CNTN1: variants seen among roughly 807,000 people sequenced by gnomAD.
CNTN1 encodes contactin-1.
In CNTN1, 38 loss-of-function variants were observed where a neutral mutation model predicts 126.4. That is an observed-to-expected ratio of 0.30 (90% CI 0.23 to 0.39). The LOEUF is 0.39. CNTN1 is among the 10% of genes least tolerant of loss of function. The probability of loss-of-function intolerance (pLI) is 1.00; values close to 1 mark genes in which losing one functional copy is unlikely to be tolerated. For synonymous variants in CNTN1, 413 were observed against 422.6 expected (o/e 0.98, Z 0.28); for missense variants, 1,009 against 1,248.4 (o/e 0.81, Z 2.89).
At chr12:40,837,640 C>A (rs1200706229) in intron 1 of CNTN1, among the ~76,000 whole-genome samples, 1 of 152,156 alleles carries the variant, frequency 6.6e-6, no homozygotes, top group Non-Finnish European at 1.5e-5. Context: ...TCCTGGGGTG[C>A]AGCAGCGTTG....
chr12:41,005,749 G>T (rs371003776), intron 17 of CNTN1, among the ~76,000 whole-genome samples: 1 of 152,102 alleles, frequency 6.6e-6, no homozygotes. Context: ...AATTCTTGTA[G>T]TGTGTCTTTT....
At chr12:40,873,724 T>C (rs1352997768) in intron 1 of CNTN1, among the ~76,000 whole-genome samples, 3 of 152,182 alleles carry the variant, frequency 2.0e-5, no homozygotes, top group African/African-American at 7.2e-5. Context: ...AGGCCATATC[T>C]GTAAAAACCC....
chr12:40,767,957 T>G (rs1172189085), intron 1 of CNTN1, among the ~76,000 whole-genome samples: 3 of 152,220 alleles, frequency 2.0e-5, no homozygotes, highest in African/African-American at 7.2e-5. Context: ...ATGATTTTGT[T>G]GCAATATTTT....
At chr12:40,994,836 C>T (rs1430905893) in intron 17 of CNTN1, among the ~76,000 whole-genome samples, 1 of 151,892 alleles carries the variant, frequency 6.6e-6, no homozygotes, top group African/African-American at 2.4e-5. Context: ...TATTAGAACT[C>T]TAATAAAGAT....
At chr12:40,830,791 G>GTATATA (rs10592423) in intron 1 of CNTN1, among the ~76,000 whole-genome samples, 19 of 75,822 alleles carry the variant, frequency 2.5e-4, no homozygotes, top group East Asian at 4.4e-4. Flanking sequence ...AAAGTATAGT[G>GTATATA]TATATATATA....
At chr12:40,767,462 C>G (rs1436261428) in intron 1 of CNTN1, among the ~76,000 whole-genome samples, 2 of 150,886 alleles carry the variant, frequency 1.3e-5, no homozygotes, top group Non-Finnish European at 2.9e-5. Context: ...GCGTGCACCA[C>G]CTCGCCCAGC....
At chr12:41,043,592 A>G (rs148908730) in intron 23 of CNTN1, among the ~76,000 whole-genome samples, 3,339 of 152,148 alleles carry the variant, frequency 0.022, 123 homozygotes, top group African/African-American at 0.076. Flanking sequence ...TCCGTGTGGC[A>G]ATTCCTCAGG....
At chr12:40,702,868 T>G (rs1455591717) in intron 1 of CNTN1, among the ~76,000 whole-genome samples, 1 of 152,186 alleles carries the variant, frequency 6.6e-6, no homozygotes, top group Non-Finnish European at 1.5e-5. Context: ...AAAACACAAT[T>G]TATTTGTCTC....
intron 4 of CNTN1, among the ~76,000 whole-genome samples, chr12:40,921,111 A>G (rs1376547174): frequency 6.6e-6 from 1 of 152,206 alleles, no homozygotes; most frequent in Admixed American, 6.5e-5. Context: ...ATTGTAATTT[A>G]GTAAGTTTTA....
intron 16 of CNTN1, among the ~76,000 whole-genome samples, chr12:40,985,054 A>AT (rs553183331): frequency 0.012 from 1,851 of 151,802 alleles, 22 homozygotes; most frequent in Non-Finnish European, 0.02. Flanking sequence ...AAGAACTTTA[A>AT]TTTTTTTTTG....
intron 23 of CNTN1, among the ~76,000 whole-genome samples, chr12:41,046,925 C>T (rs1485484188): frequency 6.0e-5 from 9 of 149,436 alleles, no homozygotes; most frequent in Non-Finnish European, 1.0e-4. Context: ...TCAGATTCCA[C>T]GGTTCATATT....
chr12:40,817,630 C>G (rs184598703), intron 1 of CNTN1, among the ~76,000 whole-genome samples: 1 of 151,840 alleles, frequency 6.6e-6, no homozygotes, highest in East Asian at 1.9e-4. Flanking sequence ...GTTTGCCAGT[C>G]TGTGTATTTT....
intron 1 of CNTN1, among the ~76,000 whole-genome samples, chr12:40,855,376 A>G (rs909621406): frequency 4.6e-5 from 7 of 152,068 alleles, no homozygotes; most frequent in African/African-American, 1.7e-4. Context: ...CCGAGATTCA[A>G]TGCTCGTCAT....
chr12:41,024,531 T>A (rs1165325898), intron 20 of CNTN1, among the ~76,000 whole-genome samples: 5 of 152,286 alleles, frequency 3.3e-5, no homozygotes, highest in Admixed American at 1.3e-4. Context: ...ATAACTTTTT[T>A]AAAAATTATT....
chr12:40,993,012 T>G (rs1948129308), intron 16 of CNTN1, 108 bp from the exon 17 acceptor site: 2 of 972,084 alleles, frequency 2.1e-6, no homozygotes, highest in Non-Finnish European at 3.2e-6. Context: ...TTACTTCAAC[T>G]CAGTGTAATA....
At chr12:40,857,237 C>T (rs1442187) in intron 1 of CNTN1, among the ~76,000 whole-genome samples, 84,992 of 151,796 alleles carry the variant, frequency 0.56, 25,408 homozygotes, top group African/African-American at 0.8. Context: ...ATTTTAATAA[C>T]AAATCTACAC....
chr12:40,948,456 T>A (rs1352297105), intron 14 of CNTN1, among the ~76,000 whole-genome samples: 1 of 152,020 alleles, frequency 6.6e-6, no homozygotes, highest in South Asian at 2.1e-4. Context: ...TTGGGTTAAA[T>A]GTTTTTCACA....
At chr12:41,007,209 G>C (rs987782396) in intron 17 of CNTN1, among the ~76,000 whole-genome samples, 2 of 151,362 alleles carry the variant, frequency 1.3e-5, no homozygotes, top group Non-Finnish European at 3.0e-5. Context: ...ACAGGCGCCC[G>C]CCACTACGCC....
At chr12:40,947,782 T>TACACACAC (rs56852774) in intron 14 of CNTN1, among the ~76,000 whole-genome samples, 13 of 118,912 alleles carry the variant, frequency 1.1e-4, no homozygotes, top group East Asian at 2.3e-4. Context: ...TATATATATA[T>TACACACAC]ACACACACAC....
Sources: gnomAD v4.1 joint callset for allele counts (sites outside exome capture counted in the v4.1 genomes callset) on GRCh38, gnomAD v4.1.1 for gene constraint, MANE v1.5 for transcripts, NCBI Gene and HGNC (gene_info 2026-07-23, HGNC 2026-07-21) for gene names.